XKR6: variants seen among roughly 807,000 people sequenced by gnomAD.
XKR6 encodes XK related 6.
XKR6 carries 22 observed loss-of-function variants against 56.7 expected under a neutral mutation model. The ratio of observed to expected loss-of-function variants is 0.39; its 90% CI spans 0.28 to 0.55. The LOEUF is 0.55. Among genes scored for constraint, XKR6 ranks in the 20% least tolerant of loss-of-function variants. The probability of loss-of-function intolerance (pLI) is 0.66; values close to 1 mark genes in which losing one functional copy is unlikely to be tolerated. For missense variants in XKR6, 852 were observed against 889.0 expected (o/e 0.96, Z 0.53); for synonymous variants, 524 against 387.8 (o/e 1.35, Z -4.13).
At chr8:11,100,034 G>C (rs960500435) in intron 1 of XKR6, among the ~76,000 whole-genome samples, 1 of 152,130 alleles carries the variant, frequency 6.6e-6, no homozygotes, top group Admixed American at 6.5e-5. Flanking sequence ...AGTTTAAGTA[G>C]GGCTCATTTT....
intron 1 of XKR6, among the ~76,000 whole-genome samples, chr8:11,121,693 C>G (rs1224994430): frequency 6.6e-6 from 1 of 152,092 alleles, no homozygotes; most frequent in African/African-American, 2.4e-5. Context: ...GGGTATATAC[C>G]CAAAGGATTA....
chr8:11,174,324 T>C (rs1802543872), intron 1 of XKR6, among the ~76,000 whole-genome samples: 1 of 152,224 alleles, frequency 6.6e-6, no homozygotes, highest in South Asian at 2.1e-4. Context: ...AACCCACGTA[T>C]TTAAAACAAG....
intron 1 of XKR6, chr8:11,067,183 A>C (rs767993832): frequency 6.6e-6 from 1 of 152,432 alleles, no homozygotes; most frequent in Non-Finnish European, 1.5e-5. Context: ...CATCTGAGTC[A>C]TTCTGACTGA....
At chr8:11,122,090 T>C (rs1327284028) in intron 1 of XKR6, among the ~76,000 whole-genome samples, 2 of 152,188 alleles carry the variant, frequency 1.3e-5, no homozygotes, top group African/African-American at 2.4e-5. Context: ...TTGTTTTTCA[T>C]CTCTTCCATC....
chr8:11,044,972 G>C (rs1334626960), intron 1 of XKR6, among the ~76,000 whole-genome samples: 1 of 151,436 alleles, frequency 6.6e-6, no homozygotes, highest in East Asian at 1.9e-4. Flanking sequence ...TAGGTAGCAG[G>C]CTGAAAGACA....
At chr8:11,098,117 G>A (rs1425316812) in intron 1 of XKR6, among the ~76,000 whole-genome samples, 1 of 151,998 alleles carries the variant, frequency 6.6e-6, no homozygotes, top group Non-Finnish European at 1.5e-5. Flanking sequence ...CACTGGCTTC[G>A]ACTTCCGGCT....
Position 10,932,555 on chromosome 8 carries a change from C to T in XKR6, c.765-7725G>A, listed in dbSNP as rs1476215633. Among the ~76,000 whole-genome samples the T allele has an allele frequency of 2.2e-5, 3 of 136,786 alleles. No homozygotes were observed. In the East Asian group the frequency reaches 6.0e-4, roughly 27 times the overall value. The allele number at this position is 136,786 out of a possible 152,430, so 89.7% of individuals were successfully genotyped here. Reference sequence around the variant, plus strand: ...TCGTCATCTAGCCTTAGGTATATCTCCCAATGCTATCCCTCCCCCCTCCCC... The same window carrying T: ...TCGTCATCTAGCCTTAGGTATATCTTCCAATGCTATCCCTCCCCCCTCCCC... On this transcript the variant is annotated intron_variant, in intron 1 of 2. Coordinates refer to ENST00000416569, the MANE Select transcript of XKR6 (RefSeq NM_173683.4).
chr8:11,017,497 G>A (rs149384958), intron 1 of XKR6, among the ~76,000 whole-genome samples: 100 of 145,652 alleles, frequency 6.9e-4, no homozygotes, highest in African/African-American at 2.4e-3. Context: ...AAGGTTGCCT[G>A]CAAGTAACAC....
intron 1 of XKR6, among the ~76,000 whole-genome samples, chr8:11,192,297 T>G (rs1482318231): frequency 6.6e-6 from 1 of 152,080 alleles, no homozygotes; most frequent in Non-Finnish European, 1.5e-5. Context: ...TAGCTGGGAC[T>G]ACAGGCGCGT....
intron 1 of XKR6, among the ~76,000 whole-genome samples, chr8:11,173,395 A>G (rs1435744337): frequency 6.7e-6 from 1 of 150,300 alleles, no homozygotes; most frequent in Non-Finnish European, 1.5e-5. Context: ...ACAAATATAT[A>G]TACATATATA....
intron 1 of XKR6, among the ~76,000 whole-genome samples, chr8:11,112,259 G>C (rs1798930847): frequency 6.6e-6 from 1 of 152,118 alleles, no homozygotes; most frequent in Non-Finnish European, 1.5e-5. Context: ...TATAGATTTT[G>C]TTCTTATGCA....
intron 1 of XKR6, among the ~76,000 whole-genome samples, chr8:10,961,818 C>T (rs1424629667): frequency 1.3e-5 from 2 of 152,212 alleles, no homozygotes; most frequent in African/African-American, 4.8e-5. Flanking sequence ...AGTGAACCTG[C>T]CTTCCGAGGG....
chr8:11,017,318 T>G (rs1228850368), intron 1 of XKR6, among the ~76,000 whole-genome samples: 1 of 152,228 alleles, frequency 6.6e-6, no homozygotes, highest in Non-Finnish European at 1.5e-5. Flanking sequence ...GCCAGGACAG[T>G]ACCCAGGCTT....
chr8:11,066,421 AC>A (rs1258880229), intron 1 of XKR6, among the ~76,000 whole-genome samples: 1 of 152,218 alleles, frequency 6.6e-6, no homozygotes, highest in East Asian at 1.9e-4. Context: ...CAAGTCCTGG[AC>A]TGTACAGTGA....
chr8:11,091,168 T>A (rs1334814802), intron 1 of XKR6, among the ~76,000 whole-genome samples: 1 of 152,172 alleles, frequency 6.6e-6, no homozygotes, highest in South Asian at 2.1e-4. Context: ...TGGTGGTTCA[T>A]ACCTGTAATC....
intron 1 of XKR6, among the ~76,000 whole-genome samples, chr8:10,938,049 C>G (rs1365954335): frequency 2.0e-5 from 3 of 152,118 alleles, no homozygotes; most frequent in African/African-American, 2.4e-5. Context: ...CAGCAATCAG[C>G]GAGACTCCGT....
chr8:11,157,645 A>G (rs1215095714), intron 1 of XKR6, among the ~76,000 whole-genome samples: 1 of 152,020 alleles, frequency 6.6e-6, no homozygotes. Flanking sequence ...ACTCTCTATT[A>G]GCTAGGGCTA....
chr8:10,919,593 C>T (rs1278783211), intron 2 of XKR6, among the ~76,000 whole-genome samples: 2 of 152,154 alleles, frequency 1.3e-5, no homozygotes, highest in African/African-American at 4.8e-5. Context: ...TAGACCTTTG[C>T]AACAACCCAA....
intron 1 of XKR6, among the ~76,000 whole-genome samples, chr8:11,143,295 G>C (rs1284709285): frequency 6.6e-6 from 1 of 152,170 alleles, no homozygotes; most frequent in Non-Finnish European, 1.5e-5. Flanking sequence ...CCTGTGAATA[G>C]CCTCTGAAGT....
Sources: allele counts gnomAD v4.1 joint callset (sites outside exome capture counted in the v4.1 genomes callset), GRCh38; gene constraint gnomAD v4.1.1; transcripts MANE v1.5; gene names NCBI Gene and HGNC (gene_info 2026-07-23, HGNC 2026-07-21).